The following CSMD3 variants were observed in gnomAD, a reference collection of about 807,000 sequenced individuals.
CSMD3 encodes the protein CUB and sushi domain-containing protein 3.
A neutral mutation model predicts 435.2 loss-of-function variants in CSMD3; 177 were observed. The observed-to-expected ratio is 0.41, with a 90% CI of 0.36 to 0.46. CSMD3 has a LOEUF of 0.46. CSMD3 is among the 20% of genes least tolerant of loss of function. The pLI, the probability that CSMD3 is intolerant of heterozygous loss-of-function variation, is 0.34. For missense variants in CSMD3, 4,265 were observed against 4,504.6 expected (o/e 0.95, Z 1.52); for synonymous variants, 1,656 against 1,520.5 (o/e 1.09, Z -2.07).
At chr8:112,662,086 G>A (rs2075394512) in intron 17 of CSMD3, among the ~76,000 whole-genome samples, 2 of 151,988 alleles carry the variant, frequency 1.3e-5, no homozygotes, top group African/African-American at 4.8e-5. Flanking sequence ...TGTGAAAATG[G>A]CCACACTGCC....
chr8:112,387,647 G>A (rs541986653), intron 36 of CSMD3, among the ~76,000 whole-genome samples: 4 of 152,030 alleles, frequency 2.6e-5, no homozygotes, highest in Non-Finnish European at 5.9e-5. Context: ...TTTGCTAAAC[G>A]TGCTGCTAAA....
At chr8:112,773,650 A>G (rs1189746400) in intron 13 of CSMD3, among the ~76,000 whole-genome samples, 1 of 152,020 alleles carries the variant, frequency 6.6e-6, no homozygotes, top group Non-Finnish European at 1.5e-5. Context: ...CTGAAGAACT[A>G]AAGGAATTGT....
At chr8:113,238,651 C>T (rs186561623) in intron 3 of CSMD3, among the ~76,000 whole-genome samples, 156 of 152,226 alleles carry the variant, frequency 1.0e-3, no homozygotes, top group Admixed American at 2.8e-3. Flanking sequence ...AAGGACACTT[C>T]CAGCTCGATT....
chr8:113,301,528 G>GT (rs906025708), intron 2 of CSMD3, among the ~76,000 whole-genome samples: 16 of 150,110 alleles, frequency 1.1e-4, no homozygotes, highest in South Asian at 6.3e-4. Flanking sequence ...ATTAGTTTAT[G>GT]TTTTTTTTTA....
intron 3 of CSMD3, among the ~76,000 whole-genome samples, chr8:113,210,351 A>T (rs572932554): frequency 6.6e-6 from 1 of 152,250 alleles, no homozygotes; most frequent in East Asian, 1.9e-4. Flanking sequence ...TTTAGGTCAC[A>T]GAATTGATTC....
intron 4 of CSMD3, among the ~76,000 whole-genome samples, chr8:113,146,501 G>A (rs1385258049): frequency 6.6e-6 from 1 of 151,482 alleles, no homozygotes; most frequent in Non-Finnish European, 1.5e-5. Flanking sequence ...TATGAACAAT[G>A]AAAAATTTAA....
chr8:112,869,844 G>A (rs1346056260), intron 10 of CSMD3, among the ~76,000 whole-genome samples: 1 of 152,070 alleles, frequency 6.6e-6, no homozygotes, highest in Non-Finnish European at 1.5e-5. Context: ...AGAACACATG[G>A]ACACAGGGAA....
chr8:112,275,574 G>T lies in CSMD3; in HGVS notation c.9508+5600C>A, dbSNP rs535940897. Among the ~76,000 whole-genome samples the T allele has an allele frequency of 8.5e-5, 13 of 152,092 alleles. No homozygotes were observed. The South Asian group carries it at 1.2e-3, about 15-fold the overall frequency. ...AAAAGAATAAAAAAAAGAAAAAGAG[G>T]TTTAATGGACTCACAGTTCCAAGTG... On this transcript the variant is annotated intron_variant, in intron 59 of 70. Coordinates refer to ENST00000297405, the MANE Select transcript of CSMD3 (RefSeq NM_198123.2).
intron 40 of CSMD3, among the ~76,000 whole-genome samples, chr8:112,350,244 T>G (rs973419772): frequency 1.3e-4 from 20 of 151,630 alleles, no homozygotes; most frequent in Non-Finnish European, 2.6e-4. Flanking sequence ...GTACGGTCAT[T>G]GTGCAGAGTT....
chr8:113,292,394 AT>A (rs1172848123), intron 2 of CSMD3, among the ~76,000 whole-genome samples: 1 of 151,990 alleles, frequency 6.6e-6, no homozygotes, highest in East Asian at 1.9e-4. Context: ...TCAATAATAT[AT>A]TTTTTATCAT....
At chr8:112,751,309 T>C (rs1053682415) in intron 13 of CSMD3, among the ~76,000 whole-genome samples, 14 of 152,006 alleles carry the variant, frequency 9.2e-5, no homozygotes, top group African/African-American at 3.4e-4. Context: ...CTAAAGAATG[T>C]ATGAAAAGGA....
intron 3 of CSMD3, among the ~76,000 whole-genome samples, chr8:113,201,775 T>C (rs958216647): frequency 3.9e-5 from 6 of 152,096 alleles, no homozygotes; most frequent in Non-Finnish European, 4.4e-5. Context: ...ATTTATCCCA[T>C]GTAAATCAGA....
At chr8:112,453,271 T>G (rs1310729746) in intron 32 of CSMD3, among the ~76,000 whole-genome samples, 1 of 151,956 alleles carries the variant, frequency 6.6e-6, no homozygotes, top group African/African-American at 2.4e-5. Flanking sequence ...GTCAGAGCAA[T>G]CAGGCAAGAG....
At chr8:112,819,309 A>G (rs922420107) in intron 12 of CSMD3, among the ~76,000 whole-genome samples, 1 of 152,052 alleles carries the variant, frequency 6.6e-6, no homozygotes, top group African/African-American at 2.4e-5. Flanking sequence ...TGATGAATGG[A>G]GTTGAAGTTG....
intron 5 of CSMD3, among the ~76,000 whole-genome samples, chr8:113,093,045 T>G (rs1031160039): frequency 3.9e-5 from 6 of 152,134 alleles, no homozygotes; most frequent in Non-Finnish European, 8.8e-5. Context: ...AAAAATTATT[T>G]ATACATTTCA....
chr8:113,232,836 T>C (rs1331286143), intron 3 of CSMD3, among the ~76,000 whole-genome samples: 1 of 151,774 alleles, frequency 6.6e-6, no homozygotes, highest in Non-Finnish European at 1.5e-5. Context: ...AACAGTCTGG[T>C]TAACTCTACT....
chr8:112,988,560 T>A (rs1157982087), intron 6 of CSMD3, among the ~76,000 whole-genome samples: 1 of 152,108 alleles, frequency 6.6e-6, no homozygotes, highest in Non-Finnish European at 1.5e-5. Context: ...ATTATCATAC[T>A]TGTGGCTTCT....
At position 112,399,613 on chromosome 8, in the gene CSMD3, A is replaced by G. The variant is rs142352861; in HGVS notation, c.5809+6911T>C. 5.5e-3 allele frequency among the ~76,000 whole-genome samples: 840 copies of G among 152,288 alleles called. 5 individuals carry two copies. The highest frequency in any genetic ancestry group is 0.019 in the African/African-American group (802 of 41,556). ...AATCATTGGCAGTCAAGAGAAGCCA[A>G]GCTGAACCATTAACACTTTGCTTAG... On this transcript the variant is annotated intron_variant, in intron 35 of 70. Coordinates refer to ENST00000297405, the MANE Select transcript of CSMD3 (RefSeq NM_198123.2).
intron 5 of CSMD3, among the ~76,000 whole-genome samples, chr8:113,020,894 T>G (rs752993628): frequency 5.9e-5 from 9 of 152,150 alleles, no homozygotes; most frequent in Non-Finnish European, 1.3e-4. Flanking sequence ...AAGGACCCTC[T>G]AACCAATACT....
Sources: allele counts gnomAD v4.1 joint callset (sites outside exome capture counted in the v4.1 genomes callset), GRCh38; gene constraint gnomAD v4.1.1; transcripts MANE v1.5; gene names NCBI Gene and HGNC (gene_info 2026-07-23, HGNC 2026-07-21).